Variants in RANBP2 observed in about 807,000 individuals in gnomAD.
The protein encoded by RANBP2 is E3 SUMO-protein ligase RanBP2.
RANBP2 carries 57 observed loss-of-function variants against 303.6 expected under a neutral mutation model. The ratio of observed to expected loss-of-function variants is 0.19; its 90% CI spans 0.15 to 0.23. The LOEUF is 0.23. Ranked by LOEUF, RANBP2 falls within the 10% of genes least tolerant of loss-of-function variation. The pLI is 1.00. For missense variants in RANBP2, 3,138 were observed against 3,780.8 expected, an observed-to-expected ratio of 0.83 and a Z score of 4.46; for synonymous variants, 1,167 against 1,301.5, an observed-to-expected ratio of 0.90 and a Z score of 2.23.
At chr2:109,631,074 TAAAC>T in the RANBP2 span, among the ~76,000 whole-genome samples, 31 of 152,092 alleles carry the variant, frequency 2.0e-4, no homozygotes, top group African/African-American at 6.3e-4. Flanking sequence ...TCAAAAACAA[TAAAC>T]AAACAACAGA....
At chr2:108,845,619 T>G in the RANBP2 span, among the ~76,000 whole-genome samples, 1 of 150,250 alleles carries the variant, frequency 6.7e-6, no homozygotes, top group South Asian at 2.1e-4. Context: ...TCACCCAGGC[T>G]GGAGTGCAGT....
chr2:108,731,793 G>A, intron 4 of RANBP2: 1 of 265,300 alleles, frequency 3.8e-6, no homozygotes, highest in Non-Finnish European at 7.2e-6. Flanking sequence ...TTCATTAAGT[G>A]AAAATTACCT....
At chr2:109,739,994 C>CT in the RANBP2 span, among the ~76,000 whole-genome samples, 1 of 145,918 alleles carries the variant, frequency 6.9e-6, no homozygotes, top group Non-Finnish European at 1.5e-5. Context: ...CTTTTCTTTT[C>CT]TTTTTTATTT....
At chr2:108,739,467 T>A (rs1695893735) in intron 6 of RANBP2, among the ~76,000 whole-genome samples, 1 of 152,170 alleles carries the variant, frequency 6.6e-6, no homozygotes, top group African/African-American at 2.4e-5. Flanking sequence ...AATATAAATT[T>A]TTTTTTGGTA....
the RANBP2 span, among the ~76,000 whole-genome samples, chr2:108,833,871 G>T: frequency 6.0e-5 from 9 of 148,794 alleles, no homozygotes; most frequent in Admixed American, 2.0e-4. Flanking sequence ...GGGACTACAG[G>T]CGCCCGCTAC....
chr2:109,014,380 A>G, the RANBP2 span, among the ~76,000 whole-genome samples: 2 of 152,142 alleles, frequency 1.3e-5, no homozygotes, highest in African/African-American at 4.8e-5. Flanking sequence ...ACCTCCCTGT[A>G]GTTTGCATTC....
chr2:109,643,636 G>C, the RANBP2 span, among the ~76,000 whole-genome samples: 1 of 151,804 alleles, frequency 6.6e-6, no homozygotes, highest in South Asian at 2.1e-4. Flanking sequence ...GTGGTGGCAC[G>C]TGACTGTGGT....
chr2:109,799,334 CTT>C, the RANBP2 span, among the ~76,000 whole-genome samples: 3 of 29,102 alleles, frequency 1.0e-4, no homozygotes, highest in African/African-American at 2.2e-4. Context: ...TGCTATAGTT[CTT>C]TTTTTTTTTT....
At position 108,784,076 on chromosome 2, in the gene RANBP2, G is replaced by C; in HGVS notation, c.*175G>C. The C allele has an allele frequency of 1.6e-6, 1 of 632,880 alleles. No individual in the cohort carries two copies. 39.2% of individuals were successfully genotyped at this position (632,880 alleles called of 1,614,324 possible). On this transcript the variant is annotated 3_prime_UTR_variant, in exon 29 of 29. Transcript: ENST00000283195. ...AATGTGTTATAATTGACCTTGCATG[G>C]TGTGAAATAAAAGTTTAAACACTGG...
chr2:109,411,519 A>C, the RANBP2 span, among the ~76,000 whole-genome samples: 1 of 152,164 alleles, frequency 6.6e-6, no homozygotes, highest in East Asian at 1.9e-4. Flanking sequence ...GCTCGTTTGC[A>C]TCCGTAGCAA....
chr2:109,235,634 TG>T, the RANBP2 span, among the ~76,000 whole-genome samples: 1 of 152,236 alleles, frequency 6.6e-6, no homozygotes, highest in Non-Finnish European at 1.5e-5. Context: ...GTTTTGCTTT[TG>T]CTGTTTTTTG....
chr2:109,366,992 C>T, the RANBP2 span, among the ~76,000 whole-genome samples: 41,792 of 152,098 alleles, frequency 0.27, 6,624 homozygotes, highest in Non-Finnish European at 0.37. Context: ...GTCTCATTCT[C>T]GCCCAGGCTG....
chr2:109,743,705 G>C, the RANBP2 span, among the ~76,000 whole-genome samples: 8 of 94,194 alleles, frequency 8.5e-5, 2 homozygotes, highest in Non-Finnish European at 2.8e-5. Flanking sequence ...CTGATGTTTG[G>C]GGTATGAACG....
chr2:109,626,967 G>C, the RANBP2 span, among the ~76,000 whole-genome samples: 1 of 152,068 alleles, frequency 6.6e-6, no homozygotes, highest in Non-Finnish European at 1.5e-5. Context: ...TCAGACTTGT[G>C]GTGGAGGCAG....
the RANBP2 span, among the ~76,000 whole-genome samples, chr2:108,953,281 C>T: frequency 2.0e-5 from 3 of 152,174 alleles, no homozygotes; most frequent in African/African-American, 7.2e-5. Flanking sequence ...TCTCTGTTGT[C>T]TGCTAGCTTG....
chr2:108,812,598 A>G, the RANBP2 span: 62 of 1,502,088 alleles, frequency 4.1e-5, no homozygotes, highest in Middle Eastern at 1.9e-4. Flanking sequence ...TTGAAGGTGT[A>G]TATTGAAATA....
the RANBP2 span, among the ~76,000 whole-genome samples, chr2:109,441,596 CA>C: frequency 2.0e-5 from 3 of 152,088 alleles, no homozygotes; most frequent in Non-Finnish European, 4.4e-5. Context: ...TGGAGGTCTC[CA>C]ATGTAGAGGA....
chr2:109,601,927 G>A, the RANBP2 span, among the ~76,000 whole-genome samples: 1 of 152,172 alleles, frequency 6.6e-6, no homozygotes, highest in Non-Finnish European at 1.5e-5. Context: ...GGACAGCAAA[G>A]TATATTCAGT....
At position 108,784,121 on chromosome 2, in the gene RANBP2, T is replaced by C. The variant is rs1023108046; in HGVS notation, c.*220T>C. The C allele has an allele frequency of 1.1e-5, 6 of 533,998 alleles. No homozygotes were observed. Among genetic ancestry groups the C allele is most frequent in the Admixed American group, 6.8e-5 (2 of 29,426 alleles). 33.1% of individuals were successfully genotyped at this position (533,998 alleles called of 1,614,324 possible). On this transcript the variant is annotated 3_prime_UTR_variant, in exon 29 of 29. Transcript: ENST00000283195. ...CACTGGTGTATTTCAGGTGTACTTG[T>C]GTTTATGTACTCCTGACGTATTAAA...
Sources: gnomAD v4.1 joint callset for allele counts (sites outside exome capture counted in the v4.1 genomes callset) on GRCh38, gnomAD v4.1.1 for gene constraint, MANE v1.5 for transcripts, NCBI Gene and HGNC (gene_info 2026-07-23, HGNC 2026-07-21) for gene names.